Variants in ASAP2 observed in about 807,000 individuals in gnomAD.
The protein encoded by ASAP2 is ArfGAP with SH3 domain, ankyrin repeat and PH domain 2.
Under a neutral mutation model 131.4 loss-of-function variants are expected in ASAP2, and 45 were observed. The observed-to-expected ratio is 0.34, with a 90% confidence interval of 0.27 to 0.44. ASAP2 has a LOEUF of 0.44. Ranked by LOEUF, ASAP2 falls within the 20% of genes least tolerant of loss-of-function variation. ASAP2 has a pLI of 1.00. For missense variants in ASAP2, 1,011 were observed against 1,297.0 expected, an observed-to-expected ratio of 0.78 and a Z score of 3.39; for synonymous variants, 510 against 503.0, an observed-to-expected ratio of 1.01 and a Z score of -0.19.
intron 1 of ASAP2, among the ~76,000 whole-genome samples, chr2:9,223,036 C>T (rs1662537391): frequency 6.6e-6 from 1 of 152,178 alleles, no homozygotes; most frequent in African/African-American, 2.4e-5. Flanking sequence ...AAGAGTCCCA[C>T]TTTAATTTGG....
intron 3 of ASAP2, among the ~76,000 whole-genome samples, chr2:9,317,534 C>G (rs59091531): frequency 0.034 from 4,991 of 146,468 alleles, 197 homozygotes; most frequent in African/African-American, 0.092. Flanking sequence ...ACACTCAAAT[C>G]CACACAATCT....
intron 1 of ASAP2, among the ~76,000 whole-genome samples, chr2:9,248,015 A>G (rs1664451648): frequency 6.6e-6 from 1 of 152,220 alleles, no homozygotes; most frequent in Admixed American, 6.5e-5. Context: ...ATGTCCAGGA[A>G]CTGGAAGTCA....
intron 1 of ASAP2, among the ~76,000 whole-genome samples, chr2:9,263,807 C>A (rs1270808901): frequency 6.6e-6 from 1 of 152,180 alleles, no homozygotes; most frequent in African/African-American, 2.4e-5. Context: ...CAGTTGACGG[C>A]CGTCTGGAGG....
intron 2 of ASAP2, among the ~76,000 whole-genome samples, chr2:9,282,749 C>G (rs989285254): frequency 1.3e-5 from 2 of 152,182 alleles, no homozygotes; most frequent in Non-Finnish European, 2.9e-5. Flanking sequence ...CTTCATACTG[C>G]CATATTCCTT....
intron 10 of ASAP2, 24 bp downstream of exon 10, chr2:9,344,659 G>T (rs1671838781): frequency 6.2e-7 from 1 of 1,613,110 alleles, no homozygotes; most frequent in African/African-American, 1.3e-5. Context: ...TGTGGCTAGA[G>T]TTTAAATGTA....
intron 6 of ASAP2, among the ~76,000 whole-genome samples, chr2:9,327,231 A>T (rs2148528900): frequency 6.7e-6 from 1 of 149,104 alleles, no homozygotes; most frequent in South Asian, 2.1e-4. Flanking sequence ...AGCGGAGGGG[A>T]TGGGGACTCA....
At chr2:9,215,586 T>A (rs1186409752) in intron 1 of ASAP2, among the ~76,000 whole-genome samples, 1 of 152,118 alleles carries the variant, frequency 6.6e-6, no homozygotes, top group Non-Finnish European at 1.5e-5. Flanking sequence ...CAGATAATTT[T>A]TTTTTTCCAA....
intron 1 of ASAP2, among the ~76,000 whole-genome samples, chr2:9,230,072 A>G (rs887374309): frequency 2.0e-5 from 3 of 152,226 alleles, no homozygotes; most frequent in East Asian, 3.8e-4. Context: ...CTTCTTTTAC[A>G]TACTGCATTA....
intron 1 of ASAP2, among the ~76,000 whole-genome samples, chr2:9,236,662 T>C (rs1180430057): frequency 6.6e-6 from 1 of 152,214 alleles, no homozygotes; most frequent in African/African-American, 2.4e-5. Flanking sequence ...CTGTTATCTG[T>C]TATTGTATGT....
chr2:9,210,773 C>G (rs1338687524), intron 1 of ASAP2, among the ~76,000 whole-genome samples: 1 of 151,852 alleles, frequency 6.6e-6, no homozygotes, highest in African/African-American at 2.4e-5. Context: ...CCAGGATGGT[C>G]GATGGTCTAG....
intron 24 of ASAP2, among the ~76,000 whole-genome samples, chr2:9,395,768 T>C (rs1449349339): frequency 6.6e-6 from 1 of 151,342 alleles, no homozygotes; most frequent in Non-Finnish European, 1.5e-5. Context: ...CCACCACGCC[T>C]GGCCAATTTT....
intron 18 of ASAP2, 31 bp downstream of exon 18, chr2:9,377,024 G>A (rs553297183): frequency 2.0e-5 from 32 of 1,577,224 alleles, no homozygotes; most frequent in African/African-American, 4.0e-5. Context: ...GGAGGCACTC[G>A]TTTTCTCCTT....
At position 9,355,425 on chromosome 2, in the gene ASAP2, A is replaced by G. The variant is rs551184260; in HGVS notation, c.1112-622A>G. On this transcript the variant is annotated intron_variant, in intron 12 of 27. Transcript: ENST00000281419. ...GTTATATGTTTTTGGCAAGAGCAGCACAGAATGATGCTGCCACATCCCACA... is the reference window on the plus strand; with the variant it reads ...GTTATATGTTTTTGGCAAGAGCAGCGCAGAATGATGCTGCCACATCCCACA... Among the ~76,000 whole-genome samples, 221 of 152,342 alleles carry G rather than the reference A, an allele frequency of 1.5e-3. 3 individuals are homozygous for G. Among genetic ancestry groups the G allele is most frequent in the African/African-American group, 4.5e-3 (188 of 41,574 alleles).
intron 1 of ASAP2, among the ~76,000 whole-genome samples, chr2:9,221,884 C>T (rs1231213236): frequency 6.6e-6 from 1 of 152,206 alleles, no homozygotes. Context: ...AGCTCTGCCT[C>T]CCAGGTTCAC....
intron 20 of ASAP2, among the ~76,000 whole-genome samples, chr2:9,384,172 A>C (rs941535894): frequency 6.6e-6 from 1 of 152,162 alleles, no homozygotes; most frequent in African/African-American, 2.4e-5. Flanking sequence ...TAAAAAAATA[A>C]ATTAATTAAA....
In ASAP2 at chr2:9,356,236, G is replaced by T. The variant is rs1258724367; in HGVS notation, c.1218G>T (p.Gly406=). ...AAGCTTTAAACAATGCATTTAAGGG[G>T]GATGACAATACTGGAGAAAATAACA... The part of the protein sequence containing the change: ...KEEALNNAFK[G]DDNTGENNIV... The change falls in exon 14 of 28, where the codon GGG becomes GGT. Residue 406 remains glycine, a synonymous_variant. Coordinates refer to ENST00000281419, the MANE Select transcript of ASAP2 (RefSeq NM_003887.3). 5 of 1,614,086 alleles carry T rather than the reference G, an allele frequency of 3.1e-6. No individual in the cohort carries two copies. Among genetic ancestry groups the T allele is most frequent in the Non-Finnish European group, 4.2e-6 (5 of 1,179,994 alleles).
intron 7 of ASAP2, among the ~76,000 whole-genome samples, chr2:9,329,171 A>G (rs1670671027): frequency 6.6e-6 from 1 of 152,238 alleles, no homozygotes; most frequent in African/African-American, 2.4e-5. Context: ...AAGGCAGGAA[A>G]AAGGCCAAGG....
chr2:9,389,884 C>A lies in ASAP2; in HGVS notation c.2384-1178C>A, dbSNP rs779099934. 6.6e-6 allele frequency among the ~76,000 whole-genome samples: 1 copy of A among 152,130 alleles called. No homozygotes were observed. The highest frequency in any genetic ancestry group is 2.1e-4 in the South Asian group (1 of 4,820). ...CTGTCAAACCCCCAGGCTGGCTGGT[C>A]GGGGCCCAGGGTGGGTGCGGCTTTC... On this transcript the variant is annotated intron_variant, in intron 22 of 27. Transcript: ENST00000281419. This position sits in a 1 kb window ranked among gnomAD's most constrained non-coding sequence, Gnocchi z 4.7.
chr2:9,349,504 C>T (rs980369608), intron 11 of ASAP2, among the ~76,000 whole-genome samples: 3 of 152,238 alleles, frequency 2.0e-5, no homozygotes, highest in Admixed American at 6.5e-5. Context: ...GTGGTGCTTT[C>T]ACTTGAAAGT....
Sources: gnomAD v4.1 joint callset for allele counts (sites outside exome capture counted in the v4.1 genomes callset) on GRCh38, gnomAD v4.1.1 for gene constraint, Gnocchi (gnomAD v3.1) non-coding constraint, MANE v1.5 for transcripts, NCBI Gene and HGNC (gene_info 2026-07-23, HGNC 2026-07-21) for gene names.